ILRUN: variants seen among roughly 807,000 people sequenced by gnomAD.
ILRUN encodes protein ILRUN.
ILRUN carries 3 observed loss-of-function variants against 33.8 expected under a neutral mutation model. The ratio of observed to expected loss-of-function variants is 0.09; its 90% CI spans 0.04 to 0.23. The LOEUF (loss-of-function observed/expected upper bound fraction) is 0.23. ILRUN is among the 10% of genes least tolerant of loss of function. ILRUN has a pLI of 1.00. For missense variants in ILRUN, 210 were observed against 375.1 expected, an observed-to-expected ratio of 0.56 and a Z score of 3.64; for synonymous variants, 124 against 138.9, an observed-to-expected ratio of 0.89 and a Z score of 0.75.
chr6:34,678,294 G>A lies in ILRUN; in HGVS notation c.158+18152C>T, dbSNP rs1004698379. ...GACCTTGGGTGATCCACCCGCCTTGGCCTCCCAAAGTGCTGGGATATCAGG... is the reference window on the plus strand; with the variant it reads ...GACCTTGGGTGATCCACCCGCCTTGACCTCCCAAAGTGCTGGGATATCAGG... On this transcript the variant is annotated intron_variant, in intron 1 of 4. Coordinates refer to ENST00000374023, the MANE Select transcript of ILRUN (RefSeq NM_024294.4). Among the ~76,000 whole-genome samples, 82 of 152,142 alleles carry A rather than the reference G, an allele frequency of 5.4e-4. 2 individuals are homozygous for A. Among genetic ancestry groups the A allele is most frequent in the Non-Finnish European group, 1.3e-4 (9 of 68,044 alleles).
chr6:34,591,499 A>ATTT (rs545549009), intron 4 of ILRUN, among the ~76,000 whole-genome samples: 1 of 139,422 alleles, frequency 7.2e-6, no homozygotes. Context: ...TCCTGTCTCA[A>ATTT]TTTTTTTTTT....
intron 1 of ILRUN, among the ~76,000 whole-genome samples, chr6:34,680,404 T>C (rs1284642877): frequency 2.0e-5 from 3 of 151,588 alleles, no homozygotes; most frequent in Non-Finnish European, 1.5e-5. Flanking sequence ...GCTTATTTTT[T>C]TGTTTATTTG....
At chr6:34,668,255 C>A (rs1240897917) in intron 1 of ILRUN, among the ~76,000 whole-genome samples, 8 of 152,166 alleles carry the variant, frequency 5.3e-5, no homozygotes, top group South Asian at 2.1e-4. Context: ...ATTAACAATT[C>A]CCTTCCTATG....
chr6:34,612,514 C>T (rs1046935505), intron 3 of ILRUN, among the ~76,000 whole-genome samples: 2 of 152,178 alleles, frequency 1.3e-5, no homozygotes, highest in African/African-American at 4.8e-5. Flanking sequence ...TTACAGATGA[C>T]AAAACCTCAT....
chr6:34,600,960 G>C (rs1309776395), intron 4 of ILRUN, among the ~76,000 whole-genome samples: 1 of 152,136 alleles, frequency 6.6e-6, no homozygotes, highest in Non-Finnish European at 1.5e-5. Context: ...TATCACCCCG[G>C]TACATGACCT....
intron 3 of ILRUN, among the ~76,000 whole-genome samples, chr6:34,611,548 ATTACT>A (rs1406953724): frequency 1.3e-5 from 2 of 152,142 alleles, no homozygotes; most frequent in Admixed American, 6.5e-5. Flanking sequence ...TGCCTACTGT[ATTACT>A]TTAATCAAAC....
At chr6:34,595,645 T>C (rs1761385628) in intron 4 of ILRUN, 12 of 520,878 alleles carry the variant, frequency 2.3e-5, no homozygotes, top group Non-Finnish European at 3.0e-5. Flanking sequence ...TGAGAGATTT[T>C]TGCATTACTC....
chr6:34,690,594 A>G (rs2127391021), intron 1 of ILRUN, among the ~76,000 whole-genome samples: 1 of 152,288 alleles, frequency 6.6e-6, no homozygotes, highest in East Asian at 1.9e-4. Flanking sequence ...ATCAAAAAAA[A>G]GCCAATTAGA....
chr6:34,624,695 T>A (rs1216312492), intron 3 of ILRUN, among the ~76,000 whole-genome samples: 3 of 152,316 alleles, frequency 2.0e-5, no homozygotes, highest in Middle Eastern at 3.4e-3. Context: ...CTCTGGTACA[T>A]CTTCCAAGGT....
At chr6:34,686,300 AC>A (rs1763515977) in intron 1 of ILRUN, among the ~76,000 whole-genome samples, 1 of 151,952 alleles carries the variant, frequency 6.6e-6, no homozygotes, top group Non-Finnish European at 1.5e-5. Flanking sequence ...GGAGATCGAG[AC>A]CATCCTGGCT....
At chr6:34,637,767 A>G (rs1384736479) in intron 3 of ILRUN, among the ~76,000 whole-genome samples, 1 of 152,166 alleles carries the variant, frequency 6.6e-6, no homozygotes, top group Non-Finnish European at 1.5e-5. Context: ...GATGGCCCAT[A>G]GAAGGTTCAA....
At chr6:34,625,362 T>G (rs969191217) in intron 3 of ILRUN, among the ~76,000 whole-genome samples, 2 of 152,062 alleles carry the variant, frequency 1.3e-5, no homozygotes, top group Non-Finnish European at 1.5e-5. Flanking sequence ...CCAAACTGAG[T>G]AGGTCTATCA....
intron 4 of ILRUN, among the ~76,000 whole-genome samples, chr6:34,603,168 C>T (rs1157980737): frequency 1.3e-5 from 2 of 152,176 alleles, no homozygotes; most frequent in African/African-American, 4.8e-5. Flanking sequence ...ATTGCCAACT[C>T]AGTGATCCCT....
At chr6:34,668,802 T>C (rs951402617) in intron 1 of ILRUN, among the ~76,000 whole-genome samples, 3 of 151,794 alleles carry the variant, frequency 2.0e-5, no homozygotes, top group East Asian at 3.9e-4. Flanking sequence ...GCCTCCCAAG[T>C]AGCTGGGACT....
At chr6:34,648,877 T>A (rs2744959) in intron 2 of ILRUN, among the ~76,000 whole-genome samples, 67,768 of 152,040 alleles carry the variant, frequency 0.45, 17,139 homozygotes, top group African/African-American at 0.7. Flanking sequence ...AACTTATAAG[T>A]AAATAAGGTA....
intron 1 of ILRUN, among the ~76,000 whole-genome samples, chr6:34,675,750 A>G (rs1763215167): frequency 6.6e-6 from 1 of 152,352 alleles, no homozygotes; most frequent in South Asian, 2.1e-4. Context: ...AACAGCTCAC[A>G]TAAATCAATG....
chr6:34,627,876 G>C (rs1041862292), intron 3 of ILRUN, among the ~76,000 whole-genome samples: 2 of 151,868 alleles, frequency 1.3e-5, no homozygotes, highest in African/African-American at 4.8e-5. Flanking sequence ...GCTAATTTTT[G>C]TATTTTTAGT....
intron 3 of ILRUN, among the ~76,000 whole-genome samples, chr6:34,625,658 G>A (rs1762109472): frequency 6.6e-6 from 1 of 152,132 alleles, no homozygotes; most frequent in Non-Finnish European, 1.5e-5. Context: ...CTTAACCAGA[G>A]TTTATGCTTT....
At chr6:34,647,936 T>C (rs183059031) in intron 2 of ILRUN, among the ~76,000 whole-genome samples, 6 of 152,282 alleles carry the variant, frequency 3.9e-5, no homozygotes, top group Non-Finnish European at 7.4e-5. Flanking sequence ...TGACCTCAGG[T>C]GATCTGCCTG....
Sources: allele counts gnomAD v4.1 joint callset (sites outside exome capture counted in the v4.1 genomes callset), GRCh38; gene constraint gnomAD v4.1.1; transcripts MANE v1.5; gene names NCBI Gene and HGNC (gene_info 2026-07-23, HGNC 2026-07-21).